The following DPP10 variants were observed in gnomAD, a reference collection of about 807,000 sequenced individuals.
The protein encoded by DPP10 is dipeptidyl peptidase like 10.
Under a neutral mutation model 120.9 loss-of-function variants are expected in DPP10, and 33 were observed. That is an observed-to-expected ratio of 0.27 (90% CI 0.21 to 0.37). The LOEUF (loss-of-function observed/expected upper bound fraction) is 0.37. DPP10 is among the 10% of genes least tolerant of loss of function. The probability of loss-of-function intolerance (pLI) is 1.00; values close to 1 mark genes in which losing one functional copy is unlikely to be tolerated. For missense variants in DPP10, 816 were observed against 942.8 expected (o/e 0.87, Z 1.76); for synonymous variants, 337 against 326.1 (o/e 1.03, Z -0.36).
At chr2:114,873,832 T>G (rs1157339732) in intron 1 of DPP10, among the ~76,000 whole-genome samples, 6 of 152,118 alleles carry the variant, frequency 3.9e-5, no homozygotes, top group Non-Finnish European at 5.9e-5. Flanking sequence ...GTGAGATGGC[T>G]TTCTATACGT....
At chr2:115,666,630 TACC>T (rs1417005206) in intron 5 of DPP10, among the ~76,000 whole-genome samples, 2 of 152,198 alleles carry the variant, frequency 1.3e-5, no homozygotes, top group Admixed American at 1.3e-4. Context: ...GGTATGTATG[TACC>T]ACATTTTCTT....
intron 1 of DPP10, among the ~76,000 whole-genome samples, chr2:114,727,150 G>T (rs1275519441): frequency 6.6e-6 from 1 of 152,168 alleles, no homozygotes; most frequent in Non-Finnish European, 1.5e-5. Flanking sequence ...AGCTTGATTT[G>T]CTGTAGAGGC....
chr2:114,805,114 C>A (rs1211849869), intron 1 of DPP10, among the ~76,000 whole-genome samples: 1 of 152,164 alleles, frequency 6.6e-6, no homozygotes, highest in African/African-American at 2.4e-5. Context: ...TCATTATTTT[C>A]TCTTGCCGCC....
rs529261891 is a variant in DPP10, at chr2:114,985,770, CATCT to C, written c.61-323461_61-323458del. Reference sequence around the variant, plus strand: ...AGTAAAAGATTGACTGTTCCCTGTCCATCTATCTATCAATCATTTATCTGTTTAC... The same window carrying C: ...AGTAAAAGATTGACTGTTCCCTGTCCATCTATCAATCATTTATCTGTTTAC... On this transcript the variant is annotated intron_variant, in intron 1 of 25. Transcript: ENST00000410059. Among the ~76,000 whole-genome samples the C allele has an allele frequency of 3.5e-3, 527 of 152,290 alleles. 2 individuals carry two copies. The highest frequency in any genetic ancestry group is 0.011 in the African/African-American group (473 of 41,568).
chr2:115,374,169 A>C (rs13005750), intron 3 of DPP10, among the ~76,000 whole-genome samples: 62,207 of 152,028 alleles, frequency 0.41, 15,542 homozygotes, highest in Non-Finnish European at 0.56. Context: ...ACAATCCCCC[A>C]GTGTCTTAAC....
chr2:114,646,258 G>A (rs1003068450), intron 1 of DPP10, among the ~76,000 whole-genome samples: 2 of 152,030 alleles, frequency 1.3e-5, no homozygotes, highest in East Asian at 3.9e-4. Flanking sequence ...GTGTGCAATG[G>A]GGAGTAAAGC....
chr2:115,434,047 C>G lies in DPP10; in HGVS notation c.272-65463C>G, dbSNP rs74810394. Among the ~76,000 whole-genome samples, 1,204 of 151,874 alleles carry G rather than the reference C, an allele frequency of 7.9e-3. 7 individuals carry two copies. Among genetic ancestry groups the G allele is most frequent in the Non-Finnish European group, 0.013 (864 of 67,870 alleles). On this transcript the variant is annotated intron_variant, in intron 3 of 25. Coordinates refer to ENST00000410059, the MANE Select transcript of DPP10 (RefSeq NM_020868.6). The stretch of plus-strand genomic sequence containing the variant: ...TAATAGTTTTCTGCTCAATTTGACC[C>G]AGAGATAGGCTCAGGTAGTAATATT...
chr2:115,657,590 A>T (rs1239003945), intron 5 of DPP10, among the ~76,000 whole-genome samples: 1 of 151,788 alleles, frequency 6.6e-6, no homozygotes, highest in Non-Finnish European at 1.5e-5. Flanking sequence ...TCTAATGCTC[A>T]ACCACCATTC....
At chr2:115,253,744 C>T (rs1352096556) in intron 1 of DPP10, among the ~76,000 whole-genome samples, 1 of 152,220 alleles carries the variant, frequency 6.6e-6, no homozygotes, top group African/African-American at 2.4e-5. Flanking sequence ...GACAGCTCCA[C>T]CTCTGTGGCC....
chr2:114,729,977 C>T (rs1419994706), intron 1 of DPP10, among the ~76,000 whole-genome samples: 1 of 152,138 alleles, frequency 6.6e-6, no homozygotes, highest in Non-Finnish European at 1.5e-5. Context: ...TTGTCAATAG[C>T]TCAGAAATCT....
chr2:114,628,317 T>C (rs973123785), intron 1 of DPP10, among the ~76,000 whole-genome samples: 2 of 152,132 alleles, frequency 1.3e-5, no homozygotes, highest in African/African-American at 4.8e-5. Context: ...CCAAAAAGTA[T>C]CTATATTTTG....
intron 1 of DPP10, among the ~76,000 whole-genome samples, chr2:115,165,116 G>A (rs1573856641): frequency 6.6e-6 from 1 of 152,186 alleles, no homozygotes; most frequent in Non-Finnish European, 1.5e-5. Context: ...GTGGCTAATT[G>A]TAATTTATTA....
chr2:114,840,353 G>A (rs371302967), intron 1 of DPP10, among the ~76,000 whole-genome samples: 12 of 152,110 alleles, frequency 7.9e-5, no homozygotes, highest in African/African-American at 2.9e-4. Context: ...AGCAAATGGA[G>A]GGCGAGGGGC....
Position 115,753,263 on chromosome 2 carries a change from C to T in DPP10, c.1040C>T (p.Thr347Ile). 1 of 1,611,372 alleles carries T rather than the reference C, an allele frequency of 6.2e-7. No individual in the cohort carries two copies. Among genetic ancestry groups the T allele is most frequent in the Non-Finnish European group, 8.5e-7 (1 of 1,178,234 alleles). Residue 347 changes from threonine to isoleucine, a missense_variant, in exon 11 of 26, where the codon ACA (threonine) becomes ATA (isoleucine). Thr to Ile is a moderately conservative substitution (Grantham distance 89). Coordinates refer to ENST00000410059, the MANE Select transcript of DPP10 (RefSeq NM_020868.6). ...LNRAQNISIL[T>I]VCETTTGACS... Reference sequence around the variant, plus strand: ...CGAGCTCAGAACATCTCCATCCTCACAGTCTGTGAGACCACTACAGGTGCT... The same window carrying T: ...CGAGCTCAGAACATCTCCATCCTCATAGTCTGTGAGACCACTACAGGTGCT...
chr2:114,735,897 G>A (rs958079155), intron 1 of DPP10, among the ~76,000 whole-genome samples: 5 of 151,814 alleles, frequency 3.3e-5, no homozygotes, highest in East Asian at 3.9e-4. Flanking sequence ...CTCCCCCTAC[G>A]CAGAAACTTC....
chr2:115,810,728 C>T (rs555779078), intron 19 of DPP10, among the ~76,000 whole-genome samples: 1 of 152,086 alleles, frequency 6.6e-6, no homozygotes, highest in South Asian at 2.1e-4. Flanking sequence ...TTCTTTTCAC[C>T]GCAACTTTCA....
At chr2:115,840,320 T>TTTTG (rs1689983955) in intron 24 of DPP10, among the ~76,000 whole-genome samples, 8 of 3,078 alleles carry the variant, frequency 2.6e-3, no homozygotes, top group South Asian at 0.067. Context: ...GGTTTTTTGG[T>TTTTG]TTTTTTTTTT....
intron 1 of DPP10, chr2:114,828,733 T>A (rs1686785346): frequency 1.3e-5 from 2 of 152,246 alleles, no homozygotes; most frequent in African/African-American, 2.4e-5. Context: ...AAACTATTGA[T>A]GTATTTGCAG....
chr2:115,816,616 TTTG>T (rs1687253771), intron 21 of DPP10, among the ~76,000 whole-genome samples: 1 of 89,164 alleles, frequency 1.1e-5, no homozygotes, highest in Non-Finnish European at 2.1e-5. Context: ...TGTTTTTTGT[TTTG>T]TTTTTTTTTT....
Sources: gnomAD v4.1 joint callset for allele counts (sites outside exome capture counted in the v4.1 genomes callset) on GRCh38, gnomAD v4.1.1 for gene constraint, MANE v1.5 for transcripts, NCBI Gene and HGNC (gene_info 2026-07-23, HGNC 2026-07-21) for gene names.